FAM228B: variants seen among roughly 807,000 people sequenced by gnomAD.
FAM228B encodes the protein family with sequence similarity 228 member B, also known as protein FAM228B.
In FAM228B, 38 loss-of-function variants were observed where a neutral mutation model predicts 42.6. That is an observed-to-expected ratio of 0.89 (90% confidence interval 0.69 to 1.17). FAM228B has a LOEUF of 1.17. Among genes scored for constraint, FAM228B ranks in the 50% most tolerant of loss-of-function variants. FAM228B has a pLI of 0.00. For missense variants in FAM228B, 344 were observed against 367.3 expected (o/e 0.94, Z 0.52); for synonymous variants, 109 against 122.3 (o/e 0.89, Z 0.72).
chr2:24,169,295 C>T lies in FAM228B; in HGVS notation c.*15-61C>T. Reference sequence around the variant, plus strand: ...CAGCTTAGCTGGGGAACGCTTTCTGCTCTCGTAAGCCCCTCATCCCCATAC... The same window carrying T: ...CAGCTTAGCTGGGGAACGCTTTCTGTTCTCGTAAGCCCCTCATCCCCATAC... On this transcript the variant is annotated intron_variant, in intron 10 of 10. Transcript: ENST00000615575. This position sits in a 1 kb window ranked among gnomAD's most constrained non-coding sequence, Gnocchi z 4.2. The T allele has an allele frequency of 2.3e-6, 1 of 434,196 alleles. No homozygotes were observed. Among genetic ancestry groups the T allele is most frequent in the East Asian group, 7.3e-5 (1 of 13,680 alleles). The allele number at this position is 434,196 out of a possible 1,614,324, so 26.9% of individuals were successfully genotyped here. A position where few individuals can be genotyped will look rare whatever the true frequency, so the allele number is the denominator to read the frequency against.
chr2:24,123,203 G>C (rs534669974), upstream of FAM228B: 60 of 152,476 alleles, frequency 3.9e-4, no homozygotes, highest in Admixed American at 7.2e-4. Flanking sequence ...GGGGTGGTGA[G>C]CGGTGAATTC....
At chr2:24,083,181 G>A (rs748280227) in intron 2 of FAM228B, 4 of 1,561,210 alleles carry the variant, frequency 2.6e-6, no homozygotes, top group Middle Eastern at 1.7e-4. Context: ...ACTAAGTGGT[G>A]AGCATGATCA....
chr2:24,087,597 C>A (rs1056070482), intron 2 of FAM228B, among the ~76,000 whole-genome samples: 3 of 151,848 alleles, frequency 2.0e-5, no homozygotes, highest in African/African-American at 7.3e-5. Flanking sequence ...GGAGATTACA[C>A]GCTATAAGAA....
At chr2:24,122,340 A>AAAAT, upstream of FAM228B, 4 of 1,080,202 alleles carry the variant, frequency 3.7e-6, no homozygotes, top group Non-Finnish European at 4.2e-6. Flanking sequence ...AAAAAAAAAA[A>AAAAT]GTCATGTCTG....
At chr2:24,078,399 A>G (rs1038234311) in intron 1 of FAM228B, among the ~76,000 whole-genome samples, 4 of 147,880 alleles carry the variant, frequency 2.7e-5, no homozygotes, top group African/African-American at 1.0e-4. Context: ...GCATGGTGGT[A>G]TGCCTTCAGT....
chr2:24,141,919 A>G (rs985403820), intron 5 of FAM228B, among the ~76,000 whole-genome samples: 2 of 152,142 alleles, frequency 1.3e-5, no homozygotes, highest in African/African-American at 4.8e-5. Context: ...CCCAGGTTGT[A>G]CTATGATTGT....
intron 3 of FAM228B, among the ~76,000 whole-genome samples, chr2:24,101,203 G>A (rs139657635): frequency 2.0e-5 from 3 of 152,256 alleles, no homozygotes; most frequent in African/African-American, 7.2e-5. Flanking sequence ...CATGGCACAT[G>A]TATACCTATG....
chr2:24,090,180 A>G (rs1419637861), intron 2 of FAM228B, among the ~76,000 whole-genome samples: 1 of 151,262 alleles, frequency 6.6e-6, no homozygotes, highest in Non-Finnish European at 1.5e-5. Context: ...AAGCAGGAGA[A>G]TGGCGTGAAC....
At chr2:24,097,725 G>T (rs958981458) in intron 3 of FAM228B, among the ~76,000 whole-genome samples, 1 of 152,074 alleles carries the variant, frequency 6.6e-6, no homozygotes, top group Admixed American at 6.6e-5. Context: ...ACAGATCAAC[G>T]AGACAGAAGG....
At chr2:24,106,316 CTTTTTTTTTTT>C (rs386389714) in intron 3 of FAM228B, among the ~76,000 whole-genome samples, 1 of 106,394 alleles carries the variant, frequency 9.4e-6, no homozygotes, top group African/African-American at 3.7e-5. Context: ...ATTCAGCATT[CTTTTTTTTTTT>C]TTTTTTTTTT....
At chr2:24,149,236 T>A (rs1402903789) in intron 7 of FAM228B, among the ~76,000 whole-genome samples, 1 of 152,238 alleles carries the variant, frequency 6.6e-6, no homozygotes, top group Non-Finnish European at 1.5e-5. Context: ...TTTGAGTGTG[T>A]ACACAACAGT....
At chr2:24,123,890 C>G (rs561216626) in intron 1 of FAM228B, among the ~76,000 whole-genome samples, 2 of 152,160 alleles carry the variant, frequency 1.3e-5, no homozygotes, top group East Asian at 1.9e-4. Context: ...GACTTCGAGC[C>G]GCTCAGAGCT....
chr2:24,113,338 C>G (rs986318218), intron 3 of FAM228B, among the ~76,000 whole-genome samples: 1 of 152,058 alleles, frequency 6.6e-6, no homozygotes, highest in East Asian at 1.9e-4. Flanking sequence ...TTTGGGAGGC[C>G]GAGGCAGAAC....
intron 7 of FAM228B, among the ~76,000 whole-genome samples, chr2:24,151,557 TC>T (rs1320237745): frequency 1.3e-5 from 2 of 151,700 alleles, no homozygotes; most frequent in Non-Finnish European, 2.9e-5. Context: ...CTCCCAAAGT[TC>T]TGGGAATACA....
chr2:24,106,224 T>C (rs546594349), intron 3 of FAM228B, among the ~76,000 whole-genome samples: 47 of 151,886 alleles, frequency 3.1e-4, no homozygotes, highest in African/African-American at 8.4e-4. Flanking sequence ...AAAGGGCAGG[T>C]TACCTACAAA....
intron 3 of FAM228B, chr2:24,115,763 T>G (rs1647435137): frequency 3.9e-6 from 3 of 776,422 alleles, no homozygotes; most frequent in Non-Finnish European, 6.3e-6. Flanking sequence ...GGTGACTGGA[T>G]AGTTGAAACA....
chr2:24,094,473 C>G (rs1300441423), intron 2 of FAM228B, among the ~76,000 whole-genome samples: 1 of 152,040 alleles, frequency 6.6e-6, no homozygotes, highest in Non-Finnish European at 1.5e-5. Flanking sequence ...ACATTTTAAA[C>G]TCTTAAAACA....
At chr2:24,083,990 G>C (rs1028678094) in intron 2 of FAM228B, among the ~76,000 whole-genome samples, 3 of 152,204 alleles carry the variant, frequency 2.0e-5, no homozygotes, top group African/African-American at 7.2e-5. Context: ...GCTCGGGGTG[G>C]ATTCTGCTTT....
intron 3 of FAM228B, among the ~76,000 whole-genome samples, chr2:24,114,787 CT>C (rs959451269): frequency 5.6e-4 from 86 of 152,306 alleles, no homozygotes; most frequent in African/African-American, 2.1e-3. Context: ...GCTCTCCACC[CT>C]TATGGTCCAG....
Sources: gnomAD v4.1 joint callset for allele counts (sites outside exome capture counted in the v4.1 genomes callset) on GRCh38, gnomAD v4.1.1 for gene constraint, Gnocchi (gnomAD v3.1) non-coding constraint, MANE v1.5 for transcripts, NCBI Gene and HGNC (gene_info 2026-07-23, HGNC 2026-07-21) for gene names.